The following TLN2 variants were observed in gnomAD, a reference collection of about 807,000 sequenced individuals.
TLN2 encodes talin 2, also known as talin-2.
TLN2 carries 118 observed loss-of-function variants against 294.7 expected under a neutral mutation model. The observed-to-expected ratio is 0.40, with a 90% CI of 0.34 to 0.47. TLN2 has a LOEUF of 0.47. Ranked by LOEUF, TLN2 falls within the 20% of genes least tolerant of loss-of-function variation. The probability of loss-of-function intolerance (pLI) is 0.84; values close to 1 mark genes in which losing one functional copy is unlikely to be tolerated. For synonymous variants in TLN2, 1,431 were observed against 1,304.5 expected, an observed-to-expected ratio of 1.10 and a Z score of -2.09; for missense variants, 3,083 against 3,282.2, an observed-to-expected ratio of 0.94 and a Z score of 1.48.
intron 54 of TLN2, chr15:62,830,387 C>G (rs56286110): frequency 0.096 from 14,594 of 152,652 alleles, 790 homozygotes; most frequent in South Asian, 0.17. Flanking sequence ...TCCCCAGTCT[C>G]TCAGCTGCAG....
chr15:62,692,684 T>A (rs986606670), intron 12 of TLN2, among the ~76,000 whole-genome samples, 156 bp from the exon 13 acceptor site: 1 of 152,172 alleles, frequency 6.6e-6, no homozygotes, highest in East Asian at 1.9e-4. Context: ...CGTTGTTGAA[T>A]ATTGTTGAAT....
chr15:62,535,516 T>C (rs897848511), intron 1 of TLN2, among the ~76,000 whole-genome samples: 3 of 151,640 alleles, frequency 2.0e-5, no homozygotes, highest in African/African-American at 7.3e-5. Context: ...GTAATTCTGG[T>C]ATTTAGCCAA....
At chr15:62,586,079 A>G (rs2045580686) in intron 1 of TLN2, among the ~76,000 whole-genome samples, 1 of 152,170 alleles carries the variant, frequency 6.6e-6, no homozygotes, top group Non-Finnish European at 1.5e-5. Context: ...CCAGGATTGG[A>G]CACCTTTCTC....
At chr15:62,769,195 C>T (rs748012142) in intron 41 of TLN2, among the ~76,000 whole-genome samples, 4 of 152,344 alleles carry the variant, frequency 2.6e-5, no homozygotes, top group East Asian at 3.9e-4. Context: ...ATGCATTAAA[C>T]ATTTTGACTC....
At chr15:62,651,942 T>G in intron 5 of TLN2, 63 bp from the exon 6 acceptor site, 1 of 1,464,362 alleles carries the variant, frequency 6.8e-7, no homozygotes, top group Non-Finnish European at 9.1e-7. Context: ...TAAAGAAAAG[T>G]GTTCAAGTTT....
intron 32 of TLN2, among the ~76,000 whole-genome samples, chr15:62,744,055 T>C (rs145515347): frequency 5.3e-5 from 8 of 152,202 alleles, no homozygotes; most frequent in Non-Finnish European, 8.8e-5. Context: ...AAGAGACCTT[T>C]GCTCTCTGTG....
intron 1 of TLN2, among the ~76,000 whole-genome samples, chr15:62,514,583 A>G (rs1348740765): frequency 6.6e-6 from 1 of 152,238 alleles, no homozygotes. Flanking sequence ...TTAGCAGTTC[A>G]TGGGCATTGA....
intron 24 of TLN2, 49 bp from the exon 25 acceptor site, chr15:62,719,718 T>C (rs1199533374): frequency 2.8e-5 from 41 of 1,443,428 alleles, no homozygotes; most frequent in Non-Finnish European, 3.7e-5. Flanking sequence ...CTTCTTTGGA[T>C]GGTCCCACCA....
intron 22 of TLN2, among the ~76,000 whole-genome samples, chr15:62,713,269 C>G (rs1206814489): frequency 3.9e-5 from 2 of 50,964 alleles, no homozygotes; most frequent in Admixed American, 6.7e-4. Flanking sequence ...AAACCTGCGT[C>G]TCAAAAAAAA....
intron 1 of TLN2, among the ~76,000 whole-genome samples, chr15:62,558,551 C>G (rs2042734504): frequency 6.6e-6 from 1 of 152,106 alleles, no homozygotes; most frequent in South Asian, 2.1e-4. Context: ...TAACAAAAGA[C>G]AGATTTAACA....
chr15:62,471,774 A>G (rs1034940836), intron 1 of TLN2, among the ~76,000 whole-genome samples: 1 of 152,162 alleles, frequency 6.6e-6, no homozygotes, highest in Admixed American at 6.5e-5. Context: ...TTCGGGTTTG[A>G]AAACTCAGGA....
intron 8 of TLN2, among the ~76,000 whole-genome samples, chr15:62,657,205 G>A (rs1049278817): frequency 1.3e-5 from 2 of 151,750 alleles, no homozygotes; most frequent in African/African-American, 4.8e-5. Flanking sequence ...AGGAGGAGGA[G>A]TTCAGACACA....
intron 45 of TLN2, among the ~76,000 whole-genome samples, chr15:62,790,568 C>G (rs186081999): frequency 2.0e-4 from 30 of 152,238 alleles, no homozygotes; most frequent in Admixed American, 6.5e-4. Context: ...GTTTCTAACT[C>G]CATTTCCTTC....
chr15:62,604,536 A>G (rs1200673460), intron 2 of TLN2, among the ~76,000 whole-genome samples: 5 of 150,108 alleles, frequency 3.3e-5, no homozygotes, highest in Non-Finnish European at 7.4e-5. Flanking sequence ...AAAAAAAAAA[A>G]AAAAAAAAAA....
chr15:62,646,415 G>A (rs1263669007), intron 3 of TLN2, among the ~76,000 whole-genome samples: 1 of 152,132 alleles, frequency 6.6e-6, no homozygotes, highest in Non-Finnish European at 1.5e-5. Flanking sequence ...GCCCCCCTCA[G>A]CCTCCCAAAG....
chr15:62,814,656 A>G (rs1423488051), intron 52 of TLN2, among the ~76,000 whole-genome samples: 1 of 152,246 alleles, frequency 6.6e-6, no homozygotes, highest in Non-Finnish European at 1.5e-5. Context: ...TATTAAAAAT[A>G]TAGGCCGAAA....
At chr15:62,398,231 G>C (rs574116353) in intron 1 of TLN2, among the ~76,000 whole-genome samples, 7 of 152,090 alleles carry the variant, frequency 4.6e-5, no homozygotes, top group Non-Finnish European at 1.0e-4. Context: ...TTTCATAAGG[G>C]CCTTTTACCC....
At chr15:62,570,064 C>T (rs115982217) in intron 1 of TLN2, among the ~76,000 whole-genome samples, 2,056 of 152,252 alleles carry the variant, frequency 0.014, 45 homozygotes, top group African/African-American at 0.047. Flanking sequence ...CTTATGCCAG[C>T]GCTCCTCCTC....
At chr15:62,400,880 A>C (rs530741359) in intron 1 of TLN2, among the ~76,000 whole-genome samples, 1 of 148,686 alleles carries the variant, frequency 6.7e-6, no homozygotes, top group Non-Finnish European at 1.5e-5. Context: ...CAGTGGTGCA[A>C]TCTGGGCTCA....
Sources: allele counts gnomAD v4.1 joint callset (sites outside exome capture counted in the v4.1 genomes callset), GRCh38; gene constraint gnomAD v4.1.1; transcripts MANE v1.5; gene names NCBI Gene and HGNC (gene_info 2026-07-23, HGNC 2026-07-21).